The following CDH8 variants were observed in gnomAD, a reference collection of about 807,000 sequenced individuals.
CDH8 encodes cadherin 8, also known as cadherin-8.
A neutral mutation model predicts 68.1 loss-of-function variants in CDH8; 17 were observed. The ratio of observed to expected loss-of-function variants is 0.25; its 90% CI spans 0.17 to 0.37. The LOEUF (loss-of-function observed/expected upper bound fraction) is 0.37, where lower values mean the gene tolerates loss of function less well. Ranked by LOEUF, CDH8 falls within the 10% of genes least tolerant of loss-of-function variation. The probability of loss-of-function intolerance (pLI) is 1.00; values close to 1 mark genes in which losing one functional copy is unlikely to be tolerated. For missense variants in CDH8, 763 were observed against 999.3 expected (o/e 0.76, Z 3.19); for synonymous variants, 372 against 365.1 (o/e 1.02, Z -0.21).
intron 7 of CDH8, among the ~76,000 whole-genome samples, chr16:61,811,545 T>C (rs573414956): frequency 4.6e-5 from 7 of 152,186 alleles, no homozygotes; most frequent in African/African-American, 1.7e-4. Context: ...ATCTCACTTC[T>C]GAGTATTTAT....
chr16:61,728,373 G>A (rs543556879), intron 8 of CDH8, among the ~76,000 whole-genome samples: 3 of 150,776 alleles, frequency 2.0e-5, no homozygotes, highest in African/African-American at 7.3e-5. Flanking sequence ...GAATTTAGTT[G>A]AGTGCCATGA....
chr16:61,997,897 A>G (rs1965832491), intron 2 of CDH8, among the ~76,000 whole-genome samples: 1 of 152,222 alleles, frequency 6.6e-6, no homozygotes, highest in South Asian at 2.1e-4. Context: ...AATTGTTCCA[A>G]TAAAAGGAAA....
intron 10 of CDH8, among the ~76,000 whole-genome samples, chr16:61,665,096 AG>A (rs2142764303): frequency 6.6e-6 from 1 of 152,036 alleles, no homozygotes; most frequent in East Asian, 1.9e-4. Flanking sequence ...AGGTTACATA[AG>A]GTCATAATGG....
intron 8 of CDH8, among the ~76,000 whole-genome samples, chr16:61,762,751 G>C (rs1960501233): frequency 6.6e-6 from 1 of 152,136 alleles, no homozygotes; most frequent in Admixed American, 6.6e-5. Flanking sequence ...TGAATAAATA[G>C]TATTAAATGT....
chr16:61,901,328 G>A lies in CDH8; in HGVS notation c.398C>T (p.Thr133Ile), dbSNP rs1162621304. Reference protein sequence around the residue: ...RLDREEKAEYTLTAQAVDWET... With the variant: ...RLDREEKAEYILTAQAVDWET... ...CCAGTCCACTGCTTGAGCTGTTAGG[G>A]TATACTCAGCCTTTTCCTCCCGGTC... The change falls in exon 3 of 12, where the codon ACC becomes ATC. Residue 133 changes from threonine to isoleucine, a missense_variant. Around this residue, in one of 2 missense-constraint regions of CDH8, gnomAD observed 366 missense variants for 563.1 expected, o/e 0.65. Coordinates refer to ENST00000577390, the MANE Select transcript of CDH8 (RefSeq NM_001796.5). The A allele has an allele frequency of 2.5e-6, 4 of 1,613,758 alleles. No individual in the cohort carries two copies. The highest frequency in any genetic ancestry group is 2.7e-5 in the African/African-American group (2 of 74,840).
At chr16:62,018,000 C>T (rs1901982910) in intron 2 of CDH8, among the ~76,000 whole-genome samples, 1 of 152,206 alleles carries the variant, frequency 6.6e-6, no homozygotes, top group African/African-American at 2.4e-5. Context: ...CATACACACA[C>T]ACATACAATT....
rs146102861 is a variant in CDH8, at chr16:61,691,017, A to G, written c.1654+22824T>C. On this transcript the variant is annotated intron_variant, in intron 10 of 11. Coordinates refer to ENST00000577390, the MANE Select transcript of CDH8 (RefSeq NM_001796.5). The stretch of plus-strand genomic sequence containing the variant: ...CTTTATAGTCTACTAGTACCAACCA[A>G]TTCTCCTTGTATATCTGGCTGTCTA... Among the ~76,000 whole-genome samples the G allele has an allele frequency of 6.1e-4, 93 of 151,994 alleles. 1 individual carries two copies. Among genetic ancestry groups the G allele is most frequent in the African/African-American group, 2.1e-3 (86 of 41,460 alleles).
At chr16:61,833,700 T>C (rs2143005291) in intron 4 of CDH8, among the ~76,000 whole-genome samples, 1 of 152,052 alleles carries the variant, frequency 6.6e-6, no homozygotes, top group Non-Finnish European at 1.5e-5. Context: ...TTCTTTGGAT[T>C]TGCCATATAC....
intron 10 of CDH8, among the ~76,000 whole-genome samples, chr16:61,657,709 T>C (rs1205922888): frequency 6.6e-6 from 1 of 152,108 alleles, no homozygotes; most frequent in East Asian, 1.9e-4. Context: ...ATAGAATTTG[T>C]TCTTCAAGGA....
chr16:61,907,633 T>C (rs1451604571), intron 2 of CDH8, among the ~76,000 whole-genome samples: 3 of 151,298 alleles, frequency 2.0e-5, no homozygotes, highest in African/African-American at 7.3e-5. Flanking sequence ...AAGCCATGAT[T>C]GCACCACTGC....
chr16:61,816,502 T>C (rs1596992362), intron 7 of CDH8, among the ~76,000 whole-genome samples: 1 of 152,192 alleles, frequency 6.6e-6, no homozygotes, highest in African/African-American at 2.4e-5. Flanking sequence ...GACATCAAAC[T>C]CAGAAATCAG....
At chr16:61,702,035 T>C (rs1456924078) in intron 10 of CDH8, among the ~76,000 whole-genome samples, 1 of 152,120 alleles carries the variant, frequency 6.6e-6, no homozygotes, top group Non-Finnish European at 1.5e-5. Flanking sequence ...TCAGGACTAT[T>C]AGCCCAATAC....
At chr16:61,935,109 T>C (rs1299189189) in intron 2 of CDH8, among the ~76,000 whole-genome samples, 1 of 152,224 alleles carries the variant, frequency 6.6e-6, no homozygotes, top group Non-Finnish European at 1.5e-5. Flanking sequence ...GGACATTAGA[T>C]GACATTATTG....
At chr16:61,706,620 CAAAAA>C (rs781148249) in intron 10 of CDH8, among the ~76,000 whole-genome samples, 2 of 60,402 alleles carry the variant, frequency 3.3e-5, no homozygotes, top group African/African-American at 1.4e-4. Flanking sequence ...GACTCTGTCT[CAAAAA>C]AAAAAAAAAA....
chr16:61,765,653 T>A (rs929956662), intron 8 of CDH8, among the ~76,000 whole-genome samples: 1 of 152,074 alleles, frequency 6.6e-6, no homozygotes, highest in African/African-American at 2.4e-5. Flanking sequence ...AGAAATAACT[T>A]TATTGTTTTA....
intron 1 of CDH8, among the ~76,000 whole-genome samples, chr16:62,030,574 C>T (rs945947864): frequency 6.6e-6 from 1 of 152,050 alleles, no homozygotes; most frequent in Non-Finnish European, 1.5e-5. Flanking sequence ...TATACCATTC[C>T]TCCATCTACT....
At chr16:61,796,992 A>C (rs1363515669) in intron 7 of CDH8, among the ~76,000 whole-genome samples, 1 of 152,100 alleles carries the variant, frequency 6.6e-6, no homozygotes, top group African/African-American at 2.4e-5. Context: ...GTTGATATTA[A>C]ATAGAAACTT....
At chr16:61,887,508 T>C (rs1042301082) in intron 3 of CDH8, among the ~76,000 whole-genome samples, 3 of 152,190 alleles carry the variant, frequency 2.0e-5, no homozygotes, top group Non-Finnish European at 2.9e-5. Flanking sequence ...ATGGCTTCCC[T>C]CTTGCTGCCT....
At chr16:62,014,798 T>C (rs1299893452) in intron 2 of CDH8, among the ~76,000 whole-genome samples, 1 of 151,932 alleles carries the variant, frequency 6.6e-6, no homozygotes, top group Non-Finnish European at 1.5e-5. Context: ...AAGGAACAGC[T>C]CAGAAGCCCA....
Sources: gnomAD v4.1 joint callset for allele counts (sites outside exome capture counted in the v4.1 genomes callset) on GRCh38, gnomAD v4.1.1 for gene constraint, gnomAD v4.1.1 regional missense constraint, MANE v1.5 for transcripts, NCBI Gene and HGNC (gene_info 2026-07-23, HGNC 2026-07-21) for gene names.